Variants in FRY observed in about 807,000 individuals in gnomAD.
The protein encoded by FRY is FRY microtubule binding protein.
A neutral mutation model predicts 348.4 loss-of-function variants in FRY; 128 were observed. That is an observed-to-expected ratio of 0.37 (90% CI 0.32 to 0.43). FRY has a LOEUF of 0.43. FRY is among the 20% of genes least tolerant of loss of function. The pLI is 1.00. For missense variants in FRY, 2,736 were observed against 3,695.2 expected (o/e 0.74, Z 6.73); for synonymous variants, 1,370 against 1,374.7 (o/e 1.00, Z 0.08).
intron 31 of FRY, 69 bp downstream of exon 31, chr13:32,202,596 T>C (rs2138328903): frequency 8.0e-7 from 1 of 1,244,478 alleles, no homozygotes; most frequent in South Asian, 1.2e-5. Context: ...TCATTTCTAA[T>C]AATGACATGT....
At position 32,171,280 on chromosome 13, in the gene FRY, A is replaced by G. The variant is rs1355294042; in HGVS notation, c.2151+10A>G. The G allele has an allele frequency of 1.3e-6, 2 of 1,505,402 alleles. No homozygotes were observed. The highest frequency in any genetic ancestry group is 1.7e-5 in the Admixed American group (1 of 59,138). The allele number at this position is 1,505,402 out of a possible 1,614,324, so 93.3% of individuals were successfully genotyped here. A position where few individuals can be genotyped will look rare whatever the true frequency, so the allele number is the denominator to read the frequency against. ...AATCAGAAATTCAGAGGTGATTTTC[A>G]CACCTTACCCATGAATTTATATTCT... On this transcript the variant is annotated intron_variant, in intron 18 of 60. Transcript: ENST00000542859.
At position 32,135,270 on chromosome 13, in the gene FRY, A is replaced by G. The variant is rs1879637673; in HGVS notation, c.1077+87A>G. 4.8e-5 allele frequency: 40 copies of G among 833,830 alleles called. 1 individual carries two copies. Among genetic ancestry groups the G allele is most frequent in the Middle Eastern group, 6.0e-4 (2 of 3,308 alleles). 51.7% of individuals were successfully genotyped at this position (833,830 alleles called of 1,614,324 possible). On this transcript the variant is annotated intron_variant, in intron 10 of 60. Transcript: ENST00000542859. ...AGGAATCTGTTTGAGGATCCTAAGG[A>G]CTCCACAGATAGGAAAAGTACCTAA...
At chr13:32,176,061 A>T (rs1882341136) in intron 20 of FRY, among the ~76,000 whole-genome samples, 1 of 152,198 alleles carries the variant, frequency 6.6e-6, no homozygotes, top group African/African-American at 2.4e-5. Flanking sequence ...AAAAATGTTA[A>T]GGGGTAAGTC....
intron 20 of FRY, among the ~76,000 whole-genome samples, chr13:32,175,917 TACTTATC>T (rs2138228954): frequency 6.6e-6 from 1 of 152,378 alleles, no homozygotes; most frequent in South Asian, 2.1e-4. Context: ...TTTTTCATTG[TACTTATC>T]ACTTAATACT....
At chr13:32,198,613 T>A (rs1367376052) in intron 29 of FRY, among the ~76,000 whole-genome samples, 1 of 152,192 alleles carries the variant, frequency 6.6e-6, no homozygotes, top group Non-Finnish European at 1.5e-5. Flanking sequence ...CTTTGCATGC[T>A]TGTTGTGAAG....
chr13:32,295,830 T>G lies in FRY; in HGVS notation c.*370T>G, dbSNP rs2072052813. 4.3e-6 allele frequency: 1 copy of G among 230,360 alleles called. No homozygotes were observed. The highest frequency in any genetic ancestry group is 8.6e-6 in the Non-Finnish European group (1 of 116,394). 14.3% of individuals were successfully genotyped at this position (230,360 alleles called of 1,614,324 possible). On this transcript the variant is annotated 3_prime_UTR_variant, in exon 61 of 61. Coordinates refer to ENST00000542859, the MANE Select transcript of FRY (RefSeq NM_023037.3). ...GATTGGCAAAAGTGCAATGTTTTCTTCACTCAAAAAATTTTATATTCTCAA... is the reference window on the plus strand; with the variant it reads ...GATTGGCAAAAGTGCAATGTTTTCTGCACTCAAAAAATTTTATATTCTCAA...
intron 51 of FRY, among the ~76,000 whole-genome samples, chr13:32,255,249 A>T (rs1233811235): frequency 6.6e-6 from 1 of 151,930 alleles, no homozygotes; most frequent in Non-Finnish European, 1.5e-5. Flanking sequence ...ACTGCACCAG[A>T]TTTCCCAAAC....
intron 58 of FRY, among the ~76,000 whole-genome samples, chr13:32,286,978 T>C (rs1400054235): frequency 2.0e-5 from 3 of 149,982 alleles, no homozygotes; most frequent in East Asian, 2.0e-4. Flanking sequence ...ACCAACATGG[T>C]GAAACCCCAT....
At position 32,247,514 on chromosome 13, in the gene FRY, T is replaced by C; in HGVS notation, c.7008+12T>C. 1 of 1,598,754 alleles carries C rather than the reference T, an allele frequency of 6.3e-7. No homozygotes were observed. Among genetic ancestry groups the C allele is most frequent in the Non-Finnish European group, 8.6e-7 (1 of 1,165,932 alleles). Reference sequence around the variant, plus strand: ...TCGATATTTCGGAGGTACTTAGCTATGTTAACTATTTCTGTGAACTTTAGC... The same window carrying C: ...TCGATATTTCGGAGGTACTTAGCTACGTTAACTATTTCTGTGAACTTTAGC... On this transcript the variant is annotated intron_variant, in intron 48 of 60. Transcript: ENST00000542859.
intron 46 of FRY, among the ~76,000 whole-genome samples, chr13:32,240,098 A>C (rs1245189409): frequency 6.6e-6 from 1 of 152,206 alleles, no homozygotes; most frequent in East Asian, 1.9e-4. Flanking sequence ...TTGATAATAC[A>C]CTCAGTATAC....
intron 39 of FRY, among the ~76,000 whole-genome samples, chr13:32,227,941 A>G (rs535771008): frequency 2.8e-4 from 43 of 152,206 alleles, no homozygotes; most frequent in Non-Finnish European, 4.9e-4. Context: ...TGGTAGAGAC[A>G]GGGTTTCACC....
At chr13:32,127,177 T>C (rs1432363266) in intron 7 of FRY, among the ~76,000 whole-genome samples, 1 of 152,210 alleles carries the variant, frequency 6.6e-6, no homozygotes, top group Non-Finnish European at 1.5e-5. Flanking sequence ...TTAAGAATCA[T>C]AGATTTTTAA....
intron 55 of FRY, among the ~76,000 whole-genome samples, chr13:32,270,872 C>T (rs1028096155): frequency 6.6e-6 from 1 of 152,204 alleles, no homozygotes; most frequent in African/African-American, 2.4e-5. Flanking sequence ...TGATTTCTGA[C>T]AGTTTGCAAC....
At position 32,245,679 on chromosome 13, in the gene FRY, A is replaced by C. The variant is rs372473481; in HGVS notation, c.6828+1497A>C. ...GACGAGTTTCTAGAGCCTGGAAGTT[A>C]ATCTAAAACACATGACCACAGACTA... On this transcript the variant is annotated intron_variant, in intron 47 of 60. Transcript: ENST00000542859. Among the ~76,000 whole-genome samples the C allele has an allele frequency of 3.3e-5, 5 of 152,306 alleles. No individual in the cohort carries two copies. In the East Asian group the frequency reaches 9.6e-4, roughly 29 times the overall value.
intron 53 of FRY, 66 bp from the exon 54 acceptor site, chr13:32,265,384 T>C: frequency 2.1e-6 from 3 of 1,459,750 alleles, no homozygotes; most frequent in Non-Finnish European, 2.9e-6. Context: ...TGTTCCTTAG[T>C]TGAACAGGTT....
intron 1 of FRY, among the ~76,000 whole-genome samples, chr13:32,065,507 T>A (rs1207328278): frequency 6.6e-6 from 1 of 152,108 alleles, no homozygotes; most frequent in Non-Finnish European, 1.5e-5. Flanking sequence ...GGTTTCACCG[T>A]GTTCCCTAGG....
chr13:32,054,354 A>T (rs1873505729), intron 1 of FRY, among the ~76,000 whole-genome samples: 1 of 152,168 alleles, frequency 6.6e-6, no homozygotes, highest in African/African-American at 2.4e-5. Flanking sequence ...GCATTTATCA[A>T]GTGATCATTT....
At chr13:32,204,699 T>C in intron 31 of FRY, among the ~76,000 whole-genome samples, 1 of 152,228 alleles carries the variant, frequency 6.6e-6, no homozygotes, top group Non-Finnish European at 1.5e-5. Flanking sequence ...AGTTAGTCAC[T>C]TCTTTGTGTA....
chr13:32,135,570 A>C (rs1250210915), intron 10 of FRY, among the ~76,000 whole-genome samples: 3 of 152,188 alleles, frequency 2.0e-5, no homozygotes, highest in Non-Finnish European at 4.4e-5. Context: ...GGATGCTAGG[A>C]TCAAAATGGA....
Sources: allele counts gnomAD v4.1 joint callset (sites outside exome capture counted in the v4.1 genomes callset), GRCh38; gene constraint gnomAD v4.1.1; transcripts MANE v1.5; gene names NCBI Gene and HGNC (gene_info 2026-07-23, HGNC 2026-07-21).